Variants in TNIP3 observed in about 807,000 individuals in gnomAD.
TNIP3 encodes TNFAIP3-interacting protein 3.
In TNIP3, 34 loss-of-function variants were observed where a neutral mutation model predicts 54.1. The ratio of observed to expected loss-of-function variants is 0.63; its 90% confidence interval spans 0.48 to 0.84. The LOEUF (loss-of-function observed/expected upper bound fraction) is 0.84, where lower values mean the gene tolerates loss of function less well. TNIP3 is among the 40% of genes least tolerant of loss of function. The pLI is 0.00. For missense variants in TNIP3, 366 were observed against 387.6 expected (o/e 0.94, Z 0.47); for synonymous variants, 134 against 136.8 (o/e 0.98, Z 0.14).
intron 2 of TNIP3, among the ~76,000 whole-genome samples, chr4:121,185,754 AG>A (rs1335013963): frequency 6.6e-6 from 1 of 152,256 alleles, no homozygotes; most frequent in African/African-American, 2.4e-5. Context: ...CACTAGCAGC[AG>A]CTTCAGAATG....
At chr4:121,210,979 T>C (rs909160937) in intron 2 of TNIP3, among the ~76,000 whole-genome samples, 3 of 152,210 alleles carry the variant, frequency 2.0e-5, no homozygotes, top group Non-Finnish European at 4.4e-5. Flanking sequence ...TTAAAATAAA[T>C]ATTATTTTGC....
intron 3 of TNIP3, among the ~76,000 whole-genome samples, chr4:121,174,474 G>A (rs993226489): frequency 6.6e-6 from 1 of 151,928 alleles, no homozygotes; most frequent in Non-Finnish European, 1.5e-5. Flanking sequence ...GATGATGTAG[G>A]TATATGGAAA....
At chr4:121,153,059 A>G (rs1226208970) in intron 5 of TNIP3, among the ~76,000 whole-genome samples, 1 of 152,242 alleles carries the variant, frequency 6.6e-6, no homozygotes, top group Admixed American at 6.5e-5. Flanking sequence ...TAATTAGGAC[A>G]GCCAGAAAAG....
chr4:121,141,836 G>A lies in TNIP3; in HGVS notation c.865C>T (p.Gln289Ter). 1 of 1,579,566 alleles carries A rather than the reference G, an allele frequency of 6.3e-7. No individual in the cohort carries two copies. The highest frequency in any genetic ancestry group is 1.2e-5 in the South Asian group (1 of 85,572). Residue 289 changes from glutamine to a stop codon, truncating the protein, a stop_gained, in exon 9 of 11, where the codon CAG becomes TAG. Coordinates refer to ENST00000057513, the MANE Select transcript of TNIP3 (RefSeq NM_024873.6). LOFTEE classifies it high-confidence loss of function. ...CTTACTGGGTGCTCCCGTTGCTTCT[G>A]CACAGCTCCAGGGCCTGTTGGTACC... is the stretch of plus-strand genomic sequence containing the variant. ...PWVPTGPGAV[Q>*]KQREHPPDYQ...
At chr4:121,184,389 A>T (rs188711224) in intron 2 of TNIP3, among the ~76,000 whole-genome samples, 195 of 152,354 alleles carry the variant, frequency 1.3e-3, no homozygotes, top group African/African-American at 4.4e-3. Flanking sequence ...GTTTCCATTG[A>T]TATGACTTGA....
chr4:121,168,016 TCC>T (rs1404177201), upstream of TNIP3, among the ~76,000 whole-genome samples: 3 of 152,096 alleles, frequency 2.0e-5, no homozygotes, highest in East Asian at 5.8e-4. Context: ...CCTTTTATTC[TCC>T]AGATCAAAAA....
chr4:121,151,659 T>C (rs185270251), intron 5 of TNIP3, among the ~76,000 whole-genome samples: 75 of 152,260 alleles, frequency 4.9e-4, no homozygotes, highest in African/African-American at 1.6e-3. Flanking sequence ...AAATGGATTA[T>C]GGCAATGGAA....
chr4:121,157,986 G>T (rs1730215535), intron 3 of TNIP3, among the ~76,000 whole-genome samples: 1 of 151,904 alleles, frequency 6.6e-6, no homozygotes, highest in South Asian at 2.1e-4. Flanking sequence ...AATACTTCTG[G>T]GTAACAAAAT....
intron 2 of TNIP3, among the ~76,000 whole-genome samples, chr4:121,199,500 G>A (rs6847971): frequency 0.044 from 6,738 of 152,208 alleles, 493 homozygotes; most frequent in African/African-American, 0.15. Context: ...AGCAGGGATC[G>A]ATGAATGGGA....
At chr4:121,140,678 T>C (rs1281273331) in intron 9 of TNIP3, among the ~76,000 whole-genome samples, 1 of 152,134 alleles carries the variant, frequency 6.6e-6, no homozygotes, top group Non-Finnish European at 1.5e-5. Flanking sequence ...TCTCTTTATG[T>C]TTCTCACAAT....
At chr4:121,226,605 G>A (rs972264238) in intron 1 of TNIP3, among the ~76,000 whole-genome samples, 2 of 152,184 alleles carry the variant, frequency 1.3e-5, no homozygotes, top group African/African-American at 2.4e-5. Context: ...GGGAGTTTGC[G>A]GTTAAGCCAG....
At chr4:121,200,659 C>CAATA (rs1560688799) in intron 2 of TNIP3, among the ~76,000 whole-genome samples, 1 of 152,170 alleles carries the variant, frequency 6.6e-6, no homozygotes, top group Non-Finnish European at 1.5e-5. Context: ...AATGCCAAAG[C>CAATA]TATTGGTTTA....
At chr4:121,203,216 T>TATAGGTAG (rs1553936810) in intron 2 of TNIP3, among the ~76,000 whole-genome samples, 4 of 146,964 alleles carry the variant, frequency 2.7e-5, no homozygotes, top group African/African-American at 5.0e-5. Flanking sequence ...GAAAATGTGA[T>TATAGGTAG]ATAGATAGAT....
upstream of TNIP3, among the ~76,000 whole-genome samples, chr4:121,168,517 TTTGC>T (rs1338580364): frequency 3.0e-4 from 37 of 122,636 alleles, no homozygotes; most frequent in African/African-American, 1.3e-3. Flanking sequence ...TTTTCTTTTC[TTTGC>T]TTTTTTTTTT....
At chr4:121,192,374 A>T (rs1426313471) in intron 2 of TNIP3, among the ~76,000 whole-genome samples, 1 of 152,198 alleles carries the variant, frequency 6.6e-6, no homozygotes, top group Non-Finnish European at 1.5e-5. Context: ...CTCATCTCTG[A>T]TGGCACGTTC....
intron 2 of TNIP3, among the ~76,000 whole-genome samples, chr4:121,212,960 C>T (rs537140375): frequency 2.0e-5 from 3 of 152,286 alleles, no homozygotes; most frequent in South Asian, 2.1e-4. Context: ...AACATTCCTA[C>T]ACTTCTCTTC....
chr4:121,197,454 G>A (rs1725659294), intron 2 of TNIP3, among the ~76,000 whole-genome samples: 1 of 151,086 alleles, frequency 6.6e-6, no homozygotes, highest in South Asian at 2.1e-4. Flanking sequence ...CTTGAGCTTG[G>A]TGGCGGAGTA....
intron 2 of TNIP3, among the ~76,000 whole-genome samples, chr4:121,194,597 G>A (rs1040273063): frequency 1.3e-5 from 2 of 152,066 alleles, no homozygotes; most frequent in African/African-American, 2.4e-5. Flanking sequence ...CTGCGATGGC[G>A]TATTCTAGCC....
At chr4:121,146,476 C>A (rs1195674225) in intron 7 of TNIP3, among the ~76,000 whole-genome samples, 1 of 152,152 alleles carries the variant, frequency 6.6e-6, no homozygotes, top group East Asian at 1.9e-4. Context: ...GTGGCAACTT[C>A]CTGAGTCTAC....
Sources: gnomAD v4.1 joint callset for allele counts (sites outside exome capture counted in the v4.1 genomes callset) on GRCh38, gnomAD v4.1.1 for gene constraint, MANE v1.5 for transcripts, NCBI Gene and HGNC (gene_info 2026-07-23, HGNC 2026-07-21) for gene names.